The following FKBP15 variants were observed in gnomAD, a reference collection of about 807,000 sequenced individuals.
FKBP15 encodes FK506-binding protein 15.
Under a neutral mutation model 158.1 loss-of-function variants are expected in FKBP15, and 106 were observed. The ratio of observed to expected loss-of-function variants is 0.67; its 90% CI spans 0.57 to 0.79. FKBP15 has a LOEUF of 0.79. Ranked by LOEUF, FKBP15 falls within the 30% of genes least tolerant of loss-of-function variation. FKBP15 has a pLI of 0.00. For missense variants in FKBP15, 1,287 were observed against 1,479.1 expected, an observed-to-expected ratio of 0.87 and a Z score of 2.13; for synonymous variants, 547 against 548.6, an observed-to-expected ratio of 1.00 and a Z score of 0.04.
Position 113,202,966 on chromosome 9 carries a change from G to T in FKBP15, c.394C>A (p.Leu132Ile). ...TVARIHVNFE[L>I]MVRPNNYSTF... ...CCAATATGATGAAGTCTTACCATTA[G>T]CTCAAAGTTCACATGAATCCTAGCA... is the stretch of plus-strand genomic sequence containing the variant. The change falls in exon 5 of 28, where the codon CTA (leucine) becomes ATA (isoleucine). Residue 132 changes from leucine to isoleucine, a missense_variant. Coordinates refer to ENST00000238256, the MANE Select transcript of FKBP15 (RefSeq NM_015258.2). 6.2e-7 allele frequency: 1 copy of T among 1,611,090 alleles called. No homozygotes were observed. The highest frequency in any genetic ancestry group is 8.5e-7 in the Non-Finnish European group (1 of 1,178,130).
chr9:113,202,509 A>C (rs1564179719), intron 6 of FKBP15, 22 bp downstream of exon 6: 1 of 1,518,978 alleles, frequency 6.6e-7, no homozygotes, highest in Admixed American at 1.9e-5. Flanking sequence ...GGCTTTTCAC[A>C]GGGAGAGTAA....
chr9:113,184,213 G>T lies in FKBP15; in HGVS notation c.1716+79C>A. The T allele has an allele frequency of 1.1e-6, 1 of 911,542 alleles. No homozygotes were observed. Among genetic ancestry groups the T allele is most frequent in the Non-Finnish European group, 1.7e-6 (1 of 576,074 alleles). 56.5% of individuals were successfully genotyped at this position (911,542 alleles called of 1,614,324 possible). On this transcript the variant is annotated intron_variant, in intron 17 of 27. Transcript: ENST00000238256. The surrounding 1 kb of genome is among the most constrained non-coding windows in gnomAD (Gnocchi z 4.5). Reference sequence around the variant, plus strand: ...ATCACAGGCTATTTCTGGGGTGGAGGTGTTAAAGAGTAGTACCTCTGAGAA... The same window carrying T: ...ATCACAGGCTATTTCTGGGGTGGAGTTGTTAAAGAGTAGTACCTCTGAGAA...
chr9:113,207,119 G>T, intron 3 of FKBP15, 93 bp downstream of exon 3: 1 of 978,742 alleles, frequency 1.0e-6, no homozygotes. Flanking sequence ...CTAAATAACC[G>T]TTTTGCAACA....
intron 1 of FKBP15, among the ~76,000 whole-genome samples, chr9:113,213,110 T>C (rs545281592): frequency 2.6e-5 from 4 of 151,828 alleles, no homozygotes; most frequent in African/African-American, 9.7e-5. Flanking sequence ...TCAGCAAAAA[T>C]AAAAAGTGCA....
intron 15 of FKBP15, among the ~76,000 whole-genome samples, chr9:113,185,731 G>C (rs1446020046): frequency 1.3e-5 from 2 of 152,178 alleles, no homozygotes; most frequent in Non-Finnish European, 2.9e-5. Flanking sequence ...TTATGGAGGG[G>C]AAGGACAGTA....
In FKBP15 at chr9:113,199,928, C is replaced by T. The variant is rs145944717; in HGVS notation, c.534G>A (p.Leu178=). Residue 178 remains leucine (L), a synonymous_variant, in exon 7 of 28, where the codon CTG becomes CTA. Transcript: ENST00000238256. Reference sequence around the variant, plus strand: ...TGAGGTCCTGGGAGAGCACTGCATCCAGGGAAGAGGTACTGTTGCACTTAG... The same window carrying T: ...TGAGGTCCTGGGAGAGCACTGCATCTAGGGAAGAGGTACTGTTGCACTTAG... ...CIAKCNSTSS[L]DAVLSQDLIV... 6.9e-4 allele frequency: 1,113 copies of T among 1,613,356 alleles called. 11 individuals carry two copies. In the East Asian group the frequency reaches 0.019, roughly 27 times the overall value.
intron 1 of FKBP15, among the ~76,000 whole-genome samples, chr9:113,215,526 G>C (rs2118959972): frequency 6.7e-6 from 1 of 149,472 alleles, no homozygotes; most frequent in South Asian, 2.1e-4. Context: ...TAATACCATT[G>C]AAAAAGTTTG....
In FKBP15 at chr9:113,169,309, G is replaced by A; in HGVS notation, c.3400C>T (p.Pro1134Ser). The change falls in exon 26 of 28, where the codon CCC (proline) becomes TCC (serine). Residue 1134 changes from proline to serine, a missense_variant. Pro to Ser is a moderately conservative substitution (Grantham distance 74, BLOSUM62 -1). Coordinates refer to ENST00000238256, the MANE Select transcript of FKBP15 (RefSeq NM_015258.2). ...TCTGTGCTTGACAGCTCCTTGTGGG[G>A]ACCGGTGGAGCTAGTGACATCATCT... ...KKDDVTSSTG[P>S]HKELSSTEAG... is the part of the protein sequence containing the mutation. 6.2e-7 allele frequency: 1 copy of A among 1,614,070 alleles called. No individual in the cohort carries two copies. Among genetic ancestry groups the A allele is most frequent in the Non-Finnish European group, 8.5e-7 (1 of 1,179,904 alleles).
chr9:113,170,652 GC>G (rs1212384937), intron 24 of FKBP15, 23 bp from the exon 25 acceptor site: 3 of 1,558,400 alleles, frequency 1.9e-6, no homozygotes, highest in Non-Finnish European at 2.7e-6. Flanking sequence ...CAAAACACAT[GC>G]TGTCAAAATC....
chr9:113,194,266 T>G (rs1830629103), intron 9 of FKBP15, 97 bp from the exon 10 acceptor site: 1 of 993,070 alleles, frequency 1.0e-6, no homozygotes, highest in Non-Finnish European at 1.5e-6. Flanking sequence ...GGGACTGTTG[T>G]CGGGTGGGGG....
chr9:113,220,011 G>T (rs1037722031), intron 1 of FKBP15, among the ~76,000 whole-genome samples: 2 of 152,146 alleles, frequency 1.3e-5, no homozygotes, highest in Non-Finnish European at 2.9e-5. Flanking sequence ...CCTACTTAAG[G>T]ACAAAAGAAG....
chr9:113,188,890 G>A (rs573162976), intron 12 of FKBP15, among the ~76,000 whole-genome samples: 2 of 152,208 alleles, frequency 1.3e-5, no homozygotes, highest in Non-Finnish European at 2.9e-5. Context: ...CAGCCTCTTC[G>A]CTTCTTACAA....
At chr9:113,211,392 C>T (rs1830999960) in intron 2 of FKBP15, 85 bp downstream of exon 2, 2 of 1,025,546 alleles carry the variant, frequency 2.0e-6, no homozygotes, top group African/African-American at 3.3e-5. Flanking sequence ...CTCCTGACCT[C>T]AGGTGATCCA....
rs1201572164 is a variant in FKBP15 at position 113,165,147 on chromosome 9, C to T, written c.*931G>A. 5 of 152,118 alleles carry T rather than the reference C, an allele frequency of 3.3e-5. No individual in the cohort carries two copies. The highest frequency in any genetic ancestry group is 5.9e-5 in the Non-Finnish European group (4 of 68,034). The allele number at this position is 152,118 out of a possible 1,614,324, so 9.4% of individuals were successfully genotyped here. A position where few individuals can be genotyped will look rare whatever the true frequency, so the allele number is the denominator to read the frequency against. ...TACTGTTCTCTGCATAAGTCCTGGT[C>T]CCATGAGTTCTAAGGGAATGGAAGC... is the stretch of plus-strand genomic sequence containing the variant. On this transcript the variant is annotated 3_prime_UTR_variant, in exon 28 of 28. Coordinates refer to ENST00000238256, the MANE Select transcript of FKBP15 (RefSeq NM_015258.2).
chr9:113,188,642 T>C, intron 12 of FKBP15, 151 bp from the exon 13 acceptor site: 1 of 616,488 alleles, frequency 1.6e-6, no homozygotes, highest in Non-Finnish European at 2.8e-6. Flanking sequence ...GTTGAGGGTG[T>C]GGGTTGTGGA....
intron 20 of FKBP15, among the ~76,000 whole-genome samples, chr9:113,177,263 T>C (rs190992586): frequency 6.6e-4 from 101 of 152,376 alleles, no homozygotes; most frequent in Middle Eastern, 3.4e-3. Context: ...GTCTCAACTT[T>C]CTTGGTAGCT....
rs906628545 is a variant in FKBP15 at position 113,170,738 on chromosome 9, C to T, written c.2659-109G>A. 1.9e-5 allele frequency: 15 copies of T among 770,548 alleles called. No individual in the cohort carries two copies. In the African/African-American group the frequency reaches 2.2e-4, roughly 12 times the overall value. 47.7% of individuals were successfully genotyped at this position (770,548 alleles called of 1,614,324 possible). The stretch of plus-strand genomic sequence containing the variant: ...AATGAAGCCATCTTAGATCTCTACA[C>T]TGGGATACTGCTGGTCATAAGCAGA... On this transcript the variant is annotated intron_variant, in intron 24 of 27. Coordinates refer to ENST00000238256, the MANE Select transcript of FKBP15 (RefSeq NM_015258.2).
In FKBP15 at chr9:113,184,427, G is replaced by C. The variant is rs1330217506; in HGVS notation, c.1609-28C>G. On this transcript the variant is annotated intron_variant, in intron 16 of 27. Coordinates refer to ENST00000238256, the MANE Select transcript of FKBP15 (RefSeq NM_015258.2). The surrounding 1 kb of genome is among the most constrained non-coding windows in gnomAD (Gnocchi z 4.5). Reference sequence around the variant, plus strand: ...ACAAAAGGGATACCAGAAAGACCTTGTGAGAAATTATAAAATGAAGAAATA... The same window carrying C: ...ACAAAAGGGATACCAGAAAGACCTTCTGAGAAATTATAAAATGAAGAAATA... 6.7e-7 allele frequency: 1 copy of C among 1,492,268 alleles called. No homozygotes were observed. Among genetic ancestry groups the C allele is most frequent in the South Asian group, 1.2e-5 (1 of 84,208 alleles). 92.4% of individuals were successfully genotyped at this position (1,492,268 alleles called of 1,614,324 possible). A position where few individuals can be genotyped will look rare whatever the true frequency, so the allele number is the denominator to read the frequency against.
chr9:113,211,277 G>GC (rs1288891308), intron 2 of FKBP15, among the ~76,000 whole-genome samples, 200 bp downstream of exon 2: 2 of 152,102 alleles, frequency 1.3e-5, no homozygotes, highest in African/African-American at 4.8e-5. Flanking sequence ...TCCGGCCTCA[G>GC]CCCCCCTAGT....
Sources: allele counts gnomAD v4.1 joint callset (sites outside exome capture counted in the v4.1 genomes callset), GRCh38; gene constraint gnomAD v4.1.1; non-coding constraint Gnocchi (gnomAD v3.1); transcripts MANE v1.5; gene names NCBI Gene and HGNC (gene_info 2026-07-23, HGNC 2026-07-21).